The following PTPN23 variants were observed in gnomAD, a reference collection of about 807,000 sequenced individuals.
PTPN23 encodes the protein protein tyrosine phosphatase non-receptor type 23.
In PTPN23, 72 loss-of-function variants were observed where a neutral mutation model predicts 156.3. The observed-to-expected ratio is 0.46, with a 90% confidence interval of 0.38 to 0.56. The LOEUF (loss-of-function observed/expected upper bound fraction) is 0.56. Ranked by LOEUF, PTPN23 falls within the 20% of genes least tolerant of loss-of-function variation. The pLI is 0.00. For synonymous variants in PTPN23, 957 were observed against 899.6 expected (o/e 1.06, Z -1.14); for missense variants, 1,974 against 2,171.5 (o/e 0.91, Z 1.81).
chr3:47,407,250 G>T lies in PTPN23; in HGVS notation c.865-59G>T. 2 of 1,613,296 alleles carry T rather than the reference G, an allele frequency of 1.2e-6. No individual in the cohort carries two copies. The highest frequency in any genetic ancestry group is 1.7e-6 in the Non-Finnish European group (2 of 1,179,374). Reference sequence around the variant, plus strand: ...GAGCAAGCCCGGTAGGACTGAGGGGGTGTCCTGGTGCCAGCCTTGGTTAGT... The same window carrying T: ...GAGCAAGCCCGGTAGGACTGAGGGGTTGTCCTGGTGCCAGCCTTGGTTAGT... On this transcript the variant is annotated intron_variant, in intron 10 of 24. Transcript: ENST00000265562. This position sits in a 1 kb window ranked among gnomAD's most constrained non-coding sequence, Gnocchi z 4.0.
chr3:47,387,403 CA>C (rs34969941), intron 1 of PTPN23, among the ~76,000 whole-genome samples: 7 of 107,894 alleles, frequency 6.5e-5, no homozygotes, highest in African/African-American at 1.9e-4. Context: ...CCTGTCTCTA[CA>C]AAAAAAAAAA....
chr3:47,392,896 T>C (rs936811850), intron 1 of PTPN23, among the ~76,000 whole-genome samples: 1 of 151,868 alleles, frequency 6.6e-6, no homozygotes, highest in East Asian at 1.9e-4. Context: ...TGGGATTTAC[T>C]CTTTGTTGCC....
In PTPN23 at chr3:47,407,398, CTT is replaced by C. The variant is rs1444372965; in HGVS notation, c.923+35_923+36del. ...TCTGTGGGGGTGGCCCTGGTTCCCT[CTT>C]TTTGTGAAGGGTCTTGTCCCTCTGC... On this transcript the variant is annotated intron_variant, in intron 11 of 24. Transcript: ENST00000265562. This position sits in a 1 kb window ranked among gnomAD's most constrained non-coding sequence, Gnocchi z 4.0. 3.1e-6 allele frequency: 5 copies of C among 1,612,988 alleles called. No homozygotes were observed.
chr3:47,408,975 C>T lies in PTPN23; in HGVS notation c.1530C>T (p.Phe510=), dbSNP rs2107719432. ...KYMEVHEKAS[F]TNSELHRAMN... ...TGGAAGTCCATGAGAAGGCCTCCTT[C>T]ACCAACAGTGAGCTGCACCGTGCCA... Residue 510 remains phenylalanine (F), a synonymous_variant, in exon 16 of 25, where the codon TTC becomes TTT. Coordinates refer to ENST00000265562, the MANE Select transcript of PTPN23 (RefSeq NM_015466.4). The T allele has an allele frequency of 6.2e-7, 1 of 1,614,222 alleles. No homozygotes were observed. The highest frequency in any genetic ancestry group is 8.5e-7 in the Non-Finnish European group (1 of 1,180,030).
chr3:47,403,725 T>G (rs1426325140), intron 2 of PTPN23, among the ~76,000 whole-genome samples: 1 of 152,216 alleles, frequency 6.6e-6, no homozygotes, highest in African/African-American at 2.4e-5. Context: ...GACAGGGTCT[T>G]GCTACATTGC....
Position 47,406,064 on chromosome 3 carries a change from T to A in PTPN23, c.546+18T>A. 6.2e-7 allele frequency: 1 copy of A among 1,609,262 alleles called. No individual in the cohort carries two copies. The highest frequency in any genetic ancestry group is 1.1e-5 in the South Asian group (1 of 90,352). On this transcript the variant is annotated intron_variant, in intron 6 of 24. Transcript: ENST00000265562. The surrounding 1 kb of genome is among the most constrained non-coding windows in gnomAD (Gnocchi z 5.8). ...TCATGCTGGTGAGGAGGCGCCCTGG[T>A]TGGAGTGGAGTTGAATCCAGGGAAG...
In PTPN23 at chr3:47,409,087, G is replaced by A; in HGVS notation, c.1642G>A (p.Glu548Lys). 6.2e-7 allele frequency: 1 copy of A among 1,610,558 alleles called. No individual in the cohort carries two copies. The highest frequency in any genetic ancestry group is 8.5e-7 in the Non-Finnish European group (1 of 1,177,846). ...AALPTPALSP[E>K]DKAVLQNLKR... ...CCTGCCCACACCGGCCCTCTCCCCA[G>A]GTGAGCCCCACCAGACCCCATTGGG... Residue 548 changes from glutamate (E) to lysine (K), a missense_variant and splice_region_variant, in exon 16 of 25, where the codon GAG (glutamate) becomes AAG (lysine). Coordinates refer to ENST00000265562, the MANE Select transcript of PTPN23 (RefSeq NM_015466.4).
chr3:47,409,253 G>T lies in PTPN23; in HGVS notation c.1733G>T (p.Arg578Leu), dbSNP rs754253770. The T allele has an allele frequency of 6.2e-7, 1 of 1,614,166 alleles. No homozygotes were observed. Among genetic ancestry groups the T allele is most frequent in the East Asian group, 2.2e-5 (1 of 44,882 alleles). ...CGCGTGTCCCTGGAGCAGCAGCTGC[G>T]TGAGCTTATCCAGAAAGATGACATC... Reference protein sequence around the residue: ...DQRVSLEQQLRELIQKDDITA... With the variant: ...DQRVSLEQQLLELIQKDDITA... Residue 578 changes from arginine (R) to leucine (L), a missense_variant, in exon 17 of 25, where the codon CGT (arginine) becomes CTT (leucine). Physicochemically the swap from Arg to Leu is moderately radical, Grantham distance 102 (BLOSUM62 -2). This residue lies in a region of PTPN23 where 726 missense variants were observed against 929.5 expected (regional missense o/e 0.78). Transcript: ENST00000265562.
intron 1 of PTPN23, among the ~76,000 whole-genome samples, chr3:47,392,684 A>G (rs145797104): frequency 3.5e-4 from 53 of 152,278 alleles, no homozygotes; most frequent in African/African-American, 1.2e-3. Context: ...CATGGCTTTT[A>G]TCATATTCTC....
In PTPN23 at chr3:47,410,758, A is replaced by G; in HGVS notation, c.2960A>G (p.Gln987Arg). ...PLQHPHLFPP[Q>R]APGLLPPQSP... ...CAGCATCCACATCTCTTCCCACCCC[A>G]GGCCCCAGGACTCCTACCCCCACAA... Residue 987 changes from glutamine to arginine, a missense_variant, in exon 20 of 25, where the codon CAG (glutamine) becomes CGG (arginine). Coordinates refer to ENST00000265562, the MANE Select transcript of PTPN23 (RefSeq NM_015466.4). 1.3e-6 allele frequency: 2 copies of G among 1,512,574 alleles called. No individual in the cohort carries two copies. Among genetic ancestry groups the G allele is most frequent in the Non-Finnish European group, 8.8e-7 (1 of 1,131,478 alleles). 93.7% of individuals were successfully genotyped at this position (1,512,574 alleles called of 1,614,324 possible).
chr3:47,412,880 G>A lies in PTPN23; in HGVS notation c.4606G>A (p.Glu1536Lys), dbSNP rs766868748. 2 of 1,611,968 alleles carry A rather than the reference G, an allele frequency of 1.2e-6. No individual in the cohort carries two copies. Among genetic ancestry groups the A allele is most frequent in the Non-Finnish European group, 1.7e-6 (2 of 1,178,772 alleles). The stretch of plus-strand genomic sequence containing the variant: ...AGGCCTCCCGCCAGCCAGCCTCCCA[G>A]AGTCTACCCCAATCCCATCTTCCTC... ...PPGLPPASLP[E>K]STPIPSSSPP... is the part of the protein sequence containing the mutation. The change falls in exon 25 of 25, where the codon GAG (glutamate) becomes AAG (lysine). Residue 1536 changes from glutamate (E) to lysine (K), a missense_variant. Coordinates refer to ENST00000265562, the MANE Select transcript of PTPN23 (RefSeq NM_015466.4).
In PTPN23 at chr3:47,411,609, G is replaced by C. The variant is rs1412210444; in HGVS notation, c.3811G>C (p.Ala1271Pro). 1 of 1,612,222 alleles carries C rather than the reference G, an allele frequency of 6.2e-7. No homozygotes were observed. The highest frequency in any genetic ancestry group is 8.5e-7 in the Non-Finnish European group (1 of 1,179,890). The change falls in exon 20 of 25, where the codon GCT becomes CCT. Residue 1271 changes from alanine (A) to proline (P), a missense_variant. Coordinates refer to ENST00000265562, the MANE Select transcript of PTPN23 (RefSeq NM_015466.4). This position sits in a 1 kb window ranked among gnomAD's most constrained non-coding sequence, Gnocchi z 6.3. ...ATQAPLPGTA[A>P]DFWLMVHEQK... ...CCAGGCCCCACTGCCTGGCACAGCTGCTGACTTCTGGCTCATGGTCCATGA... is the reference window on the plus strand; with the variant it reads ...CCAGGCCCCACTGCCTGGCACAGCTCCTGACTTCTGGCTCATGGTCCATGA...
Position 47,407,920 on chromosome 3 carries a change from G to C in PTPN23, c.1149G>C (p.Met383Ile). The stretch of plus-strand genomic sequence containing the variant: ...AGAAGGCCAAGCTGCTCCGGGAGAT[G>C]ATGGCCAAGATTGAGGACAAGAATG... Reference protein sequence around the residue: ...SEEKAKLLREMMAKIEDKNEV... With the variant: ...SEEKAKLLREIMAKIEDKNEV... The change falls in exon 14 of 25, where the codon ATG becomes ATC. Residue 383 changes from methionine to isoleucine, a missense_variant. Physicochemically the swap from Met to Ile is conservative, Grantham distance 10 (BLOSUM62 1). Transcript: ENST00000265562. This position sits in a 1 kb window ranked among gnomAD's most constrained non-coding sequence, Gnocchi z 4.0. 6.2e-7 allele frequency: 1 copy of C among 1,614,168 alleles called. No individual in the cohort carries two copies. Among genetic ancestry groups the C allele is most frequent in the South Asian group, 1.1e-5 (1 of 91,088 alleles).
In PTPN23 at chr3:47,412,997, T is replaced by G. The variant is rs957120425; in HGVS notation, c.4723T>G (p.Ser1575Ala). 3 of 1,565,876 alleles carry G rather than the reference T, an allele frequency of 1.9e-6. No individual in the cohort carries two copies. The highest frequency in any genetic ancestry group is 2.6e-6 in the Non-Finnish European group (3 of 1,159,624). Residue 1575 changes from serine (S) to alanine (A), a missense_variant, in exon 25 of 25, where the codon TCC (serine) becomes GCC (alanine). By Grantham distance (99) the Ser-to-Ala change is moderately conservative. This residue lies in a region of PTPN23 where 484 missense variants were observed against 516.0 expected (regional missense o/e 0.94). Coordinates refer to ENST00000265562, the MANE Select transcript of PTPN23 (RefSeq NM_015466.4). Reference sequence around the variant, plus strand: ...AGCCCCCAGCTCGGGGCCCCCCTCCTCCTCCCTGGAATTGCTGGCCTCCTT... The same window carrying G: ...AGCCCCCAGCTCGGGGCCCCCCTCCGCCTCCCTGGAATTGCTGGCCTCCTT... The part of the protein sequence containing the change: ...PEAPSSGPPS[S>A]SLELLASLTP...
At chr3:47,403,814 C>A (rs1006303664) in intron 2 of PTPN23, among the ~76,000 whole-genome samples, 2 of 152,228 alleles carry the variant, frequency 1.3e-5, no homozygotes, top group Admixed American at 1.3e-4. Flanking sequence ...CATGTGTGAG[C>A]CCCTGCACCT....
intron 23 of PTPN23, 30 bp downstream of exon 23, chr3:47,412,451 G>A (rs753688075): frequency 7.4e-6 from 12 of 1,611,606 alleles, no homozygotes; most frequent in Non-Finnish European, 1.0e-5. Context: ...GGGCTGGGAT[G>A]GGCCTTCTGT....
rs200030227 is a variant in PTPN23 at position 47,410,564 on chromosome 3, C to T, written c.2766C>T (p.Tyr922=). The change falls in exon 20 of 25, where the codon TAC becomes TAT. Residue 922 remains tyrosine, a synonymous_variant. Transcript: ENST00000265562. ...CACCGCAGCCACTGCCCACGCCTTA[C>T]ACCTACCCTGCAGGGGCTAAGCAAC... ...VPPPQPLPTP[Y]TYPAGAKQPI... is the part of the protein sequence containing the mutation. 13 of 1,582,332 alleles carry T rather than the reference C, an allele frequency of 8.2e-6. No homozygotes were observed. The East Asian group carries it at 2.1e-4, about 25-fold the overall frequency.
intron 14 of PTPN23, 106 bp downstream of exon 14, chr3:47,408,061 A>G: frequency 7.3e-7 from 1 of 1,370,184 alleles, no homozygotes; most frequent in East Asian, 2.5e-5. Context: ...GTCCATTCCA[A>G]ACAGGTTTCC....
intron 2 of PTPN23, among the ~76,000 whole-genome samples, chr3:47,403,194 A>G (rs1313882145): frequency 1.3e-5 from 2 of 151,638 alleles, no homozygotes; most frequent in Admixed American, 1.3e-4. Flanking sequence ...CTGGGTCTAC[A>G]GGTGCCTGCC....
Sources: gnomAD v4.1 joint callset for allele counts (sites outside exome capture counted in the v4.1 genomes callset) on GRCh38, gnomAD v4.1.1 for gene constraint, gnomAD v4.1.1 regional missense constraint, Gnocchi (gnomAD v3.1) non-coding constraint, MANE v1.5 for transcripts, NCBI Gene and HGNC (gene_info 2026-07-23, HGNC 2026-07-21) for gene names.